Variants in SCARA5 observed in about 807,000 individuals in gnomAD.
SCARA5 encodes the protein scavenger receptor class A, member 5 (putative).
In SCARA5, 45 loss-of-function variants were observed where a neutral mutation model predicts 46.3. The ratio of observed to expected loss-of-function variants is 0.97; its 90% CI spans 0.76 to 1.24. The LOEUF is 1.24. Ranked by LOEUF, SCARA5 falls within the 50% of genes most tolerant of loss-of-function variation. The probability of loss-of-function intolerance (pLI) is 0.00; values close to 1 mark genes in which losing one functional copy is unlikely to be tolerated. For synonymous variants in SCARA5, 333 were observed against 306.5 expected (o/e 1.09, Z -0.90); for missense variants, 680 against 689.0 (o/e 0.99, Z 0.15).
intron 4 of SCARA5, among the ~76,000 whole-genome samples, chr8:27,920,061 G>A (rs1403986153): frequency 6.6e-6 from 1 of 151,920 alleles, no homozygotes; most frequent in East Asian, 1.9e-4. Flanking sequence ...AGGAATTGGG[G>A]GAGGGAAGGG....
At chr8:27,946,349 G>T (rs118016144) in intron 3 of SCARA5, among the ~76,000 whole-genome samples, 2,340 of 152,322 alleles carry the variant, frequency 0.015, 48 homozygotes, top group East Asian at 0.053. Flanking sequence ...AATTATGAGT[G>T]CAGCCTTCTT....
intron 7 of SCARA5, chr8:27,904,248 C>G (rs1340703971): frequency 2.5e-5 from 4 of 157,712 alleles, no homozygotes; most frequent in African/African-American, 9.6e-5. Flanking sequence ...GTGTAACACC[C>G]AGGGAGGGGA....
At chr8:27,912,195 C>T (rs1435746794) in intron 4 of SCARA5, among the ~76,000 whole-genome samples, 3 of 152,182 alleles carry the variant, frequency 2.0e-5, no homozygotes, top group Non-Finnish European at 4.4e-5. Context: ...CACAGTCCAG[C>T]AGTAACGTCT....
At chr8:27,926,127 T>C (rs983406082) in intron 3 of SCARA5, among the ~76,000 whole-genome samples, 1 of 152,196 alleles carries the variant, frequency 6.6e-6, no homozygotes, top group Non-Finnish European at 1.5e-5. Flanking sequence ...TAAATCATGC[T>C]ACTATAAAGA....
intron 4 of SCARA5, among the ~76,000 whole-genome samples, chr8:27,918,254 T>G (rs548730023): frequency 7.2e-5 from 11 of 152,328 alleles, no homozygotes; most frequent in Non-Finnish European, 1.2e-4. Context: ...TGAGCCTCAG[T>G]TGTTTTCCTG....
At chr8:27,926,960 C>G (rs536432464) in intron 3 of SCARA5, among the ~76,000 whole-genome samples, 4 of 152,182 alleles carry the variant, frequency 2.6e-5, no homozygotes, top group African/African-American at 9.7e-5. Context: ...GAGAACAGTT[C>G]CAGTTTTGGT....
chr8:27,890,807 C>T (rs1216945821), intron 7 of SCARA5, among the ~76,000 whole-genome samples: 4 of 152,252 alleles, frequency 2.6e-5, no homozygotes, highest in Non-Finnish European at 4.4e-5. Flanking sequence ...TCTATATCCC[C>T]GCCTTGCTAA....
rs1376825992 is a variant in SCARA5 at position 27,922,031 on chromosome 8, C to A, written c.456G>T (p.Ala152=). The change falls in exon 4 of 9, where the codon GCG becomes GCT. Residue 152 remains alanine, a synonymous_variant. Transcript: ENST00000354914. ...CCGCCTGCGCCTGCAGCCCCCACAG[C>A]GCGCCCTCCAGCCGCTGCACTGCGC... is the stretch of plus-strand genomic sequence containing the variant. ...LAGAVQRLEG[A]LWGLQAQAVQ... is the part of the protein sequence containing the mutation. 6.4e-7 allele frequency: 1 copy of A among 1,572,868 alleles called. No homozygotes were observed. The highest frequency in any genetic ancestry group is 8.6e-7 in the Non-Finnish European group (1 of 1,166,080).
chr8:27,980,974 G>A (rs529076470), intron 2 of SCARA5, among the ~76,000 whole-genome samples: 1 of 152,100 alleles, frequency 6.6e-6, no homozygotes, highest in Non-Finnish European at 1.5e-5. Flanking sequence ...GTCCCTGGGT[G>A]GCAGCAGCTC....
At chr8:27,954,031 C>T (rs749122658) in intron 3 of SCARA5, among the ~76,000 whole-genome samples, 1 of 152,154 alleles carries the variant, frequency 6.6e-6, no homozygotes, top group Admixed American at 6.5e-5. Flanking sequence ...ACTTCCCCTC[C>T]CTGGGCCTCC....
chr8:27,891,927 G>C (rs2129707760), intron 7 of SCARA5, among the ~76,000 whole-genome samples: 1 of 152,340 alleles, frequency 6.6e-6, no homozygotes, highest in East Asian at 1.9e-4. Flanking sequence ...AGCTTTGTCT[G>C]TCTTAGACGT....
At position 27,895,109 on chromosome 8, in the gene SCARA5, G is replaced by A. The variant is rs113021720; in HGVS notation, c.1153+9669C>T. Reference sequence around the variant, plus strand: ...GTTTTCCCTGCCTTCCAGTCCCCCTGAAAGAGCAAAACAAGAGGAAAGAAA... The same window carrying A: ...GTTTTCCCTGCCTTCCAGTCCCCCTAAAAGAGCAAAACAAGAGGAAAGAAA... On this transcript the variant is annotated intron_variant, in intron 7 of 8. Transcript: ENST00000354914. Among the ~76,000 whole-genome samples, 431 of 152,232 alleles carry A rather than the reference G, an allele frequency of 2.8e-3. 3 individuals carry two copies. Among genetic ancestry groups the A allele is most frequent in the African/African-American group, 1.0e-2 (414 of 41,530 alleles).
intron 3 of SCARA5, among the ~76,000 whole-genome samples, chr8:27,937,974 T>A (rs1807884086): frequency 6.6e-6 from 1 of 152,070 alleles, no homozygotes; most frequent in South Asian, 2.1e-4. Flanking sequence ...GGCTTCCACG[T>A]GTGGATTTGG....
intron 3 of SCARA5, among the ~76,000 whole-genome samples, chr8:27,931,724 G>T (rs1428678039): frequency 6.6e-6 from 1 of 151,698 alleles, no homozygotes; most frequent in Admixed American, 6.6e-5. Flanking sequence ...GCAGGGGTGC[G>T]ATCTCAGCTC....
intron 7 of SCARA5, among the ~76,000 whole-genome samples, chr8:27,892,954 G>GGGCA (rs1563514849): frequency 6.6e-6 from 1 of 152,104 alleles, no homozygotes; most frequent in East Asian, 1.9e-4. Flanking sequence ...GGGAGCAACA[G>GGGCA]GGCATGTCAA....
chr8:27,915,299 T>C (rs1385018620), intron 4 of SCARA5, among the ~76,000 whole-genome samples: 1 of 152,162 alleles, frequency 6.6e-6, no homozygotes, highest in Non-Finnish European at 1.5e-5. Flanking sequence ...GTGCTGGGAC[T>C]GCCCTTGCTA....
At chr8:27,990,237 C>T (rs1808769163) in intron 1 of SCARA5, among the ~76,000 whole-genome samples, 1 of 152,192 alleles carries the variant, frequency 6.6e-6, no homozygotes, top group Non-Finnish European at 1.5e-5. Context: ...CCGAGCGGGG[C>T]CAGATGTGAG....
intron 3 of SCARA5, among the ~76,000 whole-genome samples, chr8:27,922,608 A>G (rs1807617190): frequency 6.6e-6 from 1 of 152,098 alleles, no homozygotes; most frequent in Non-Finnish European, 1.5e-5. Context: ...AATTCAGTGG[A>G]CCCCTAGGAA....
At chr8:27,927,912 CATT>C (rs1312822424) in intron 3 of SCARA5, among the ~76,000 whole-genome samples, 1 of 152,132 alleles carries the variant, frequency 6.6e-6, no homozygotes, top group Non-Finnish European at 1.5e-5. Flanking sequence ...AAAATGGTAA[CATT>C]ATTTTTATGT....
Sources: gnomAD v4.1 joint callset for allele counts (sites outside exome capture counted in the v4.1 genomes callset) on GRCh38, gnomAD v4.1.1 for gene constraint, MANE v1.5 for transcripts, NCBI Gene and HGNC (gene_info 2026-07-23, HGNC 2026-07-21) for gene names.